The following FOXN3 variants were observed in gnomAD, a reference collection of about 807,000 sequenced individuals.
FOXN3 encodes forkhead box N3.
Under a neutral mutation model 38.4 loss-of-function variants are expected in FOXN3, and 7 were observed. The ratio of observed to expected loss-of-function variants is 0.18; its 90% CI spans 0.10 to 0.34. The LOEUF (loss-of-function observed/expected upper bound fraction) is 0.34. Ranked by LOEUF, FOXN3 falls within the 10% of genes least tolerant of loss-of-function variation. The pLI, the probability that FOXN3 is intolerant of heterozygous loss-of-function variation, is 1.00. For synonymous variants in FOXN3, 230 were observed against 242.2 expected, an observed-to-expected ratio of 0.95 and a Z score of 0.47; for missense variants, 456 against 613.4, an observed-to-expected ratio of 0.74 and a Z score of 2.71.
intron 1 of FOXN3, among the ~76,000 whole-genome samples, chr14:89,543,766 A>T (rs1277324316): frequency 6.6e-6 from 1 of 152,204 alleles, no homozygotes; most frequent in Non-Finnish European, 1.5e-5. Flanking sequence ...GAGACAGAAA[A>T]TATCCCAACA....
rs61356814 is a variant in FOXN3, at chr14:89,171,929, C to G, written c.851+8772G>C. Among the ~76,000 whole-genome samples the G allele has an allele frequency of 3.5e-3, 537 of 152,148 alleles. 5 individuals carry two copies. The highest frequency in any genetic ancestry group is 0.013 in the African/African-American group (522 of 41,512). ...CAATAATTAGGGAAAAAAACCCCAC[C>G]AGTATTGACAAAAGATATGATTTGT... On this transcript the variant is annotated intron_variant, in intron 5 of 5. Coordinates refer to ENST00000557258, the MANE Select transcript of FOXN3 (RefSeq NM_005197.4).
chr14:89,613,116 CAAAAAAAAAA>C (rs10581958), intron 1 of FOXN3, among the ~76,000 whole-genome samples: 2 of 74,594 alleles, frequency 2.7e-5, no homozygotes, highest in African/African-American at 1.3e-4. Flanking sequence ...GACTCTGTCT[CAAAAAAAAAA>C]AAAAAAAAAA....
chr14:89,384,839 T>G (rs745376267), intron 2 of FOXN3, among the ~76,000 whole-genome samples: 2 of 152,190 alleles, frequency 1.3e-5, no homozygotes, highest in African/African-American at 2.4e-5. Flanking sequence ...GATAAGGTCA[T>G]GACTAATGGC....
chr14:89,203,686 G>A (rs1888293276), intron 4 of FOXN3, among the ~76,000 whole-genome samples: 1 of 152,150 alleles, frequency 6.6e-6, no homozygotes, highest in Admixed American at 6.5e-5. Context: ...TGCTGGGCTG[G>A]GGCTGGACAA....
chr14:89,313,800 C>T (rs28435815), intron 3 of FOXN3, among the ~76,000 whole-genome samples: 65,550 of 152,006 alleles, frequency 0.43, 14,927 homozygotes, highest in Middle Eastern at 0.52. Context: ...TATTACTCAG[C>T]CTTGAAAGGG....
intron 1 of FOXN3, among the ~76,000 whole-genome samples, chr14:89,505,963 C>T (rs1478829218): frequency 6.6e-6 from 1 of 150,776 alleles, no homozygotes; most frequent in Non-Finnish European, 1.5e-5. Flanking sequence ...GCCTGGCAAC[C>T]GCCCCGTCTG....
At chr14:89,605,604 CA>C (rs1896256578) in intron 1 of FOXN3, among the ~76,000 whole-genome samples, 1 of 151,902 alleles carries the variant, frequency 6.6e-6, no homozygotes, top group Admixed American at 6.6e-5. Flanking sequence ...TCAGACTGCA[CA>C]AAAACAATAT....
intron 1 of FOXN3, among the ~76,000 whole-genome samples, chr14:89,510,239 C>T (rs1894029533): frequency 6.6e-6 from 1 of 152,166 alleles, no homozygotes. Flanking sequence ...GGGACTGGAA[C>T]CCACGCATGC....
At chr14:89,513,828 G>A (rs1894145580) in intron 1 of FOXN3, among the ~76,000 whole-genome samples, 1 of 151,860 alleles carries the variant, frequency 6.6e-6, no homozygotes, top group African/African-American at 2.4e-5. Flanking sequence ...AACTCCCGGA[G>A]TTTGTTTTTA....
intron 1 of FOXN3, among the ~76,000 whole-genome samples, chr14:89,602,711 T>C (rs1439387386): frequency 6.6e-6 from 1 of 152,096 alleles, no homozygotes; most frequent in Non-Finnish European, 1.5e-5. Flanking sequence ...TTGGCCAGGC[T>C]GGTCTTGAAC....
rs565967444 is a variant in FOXN3 at position 89,516,826 on chromosome 14, G to A, written c.-15+102202C>T. The stretch of plus-strand genomic sequence containing the variant: ...GATCTGTCCACCTTGGCCTTCCAAA[G>A]TGTTGGGATGACAGGTGTGAGCCAT... On this transcript the variant is annotated intron_variant, in intron 1 of 6. Transcript: ENST00000345097. 9.4e-4 allele frequency among the ~76,000 whole-genome samples: 143 copies of A among 152,270 alleles called. 1 individual carries two copies. Among genetic ancestry groups the A allele is most frequent in the African/African-American group, 3.3e-3 (137 of 41,542 alleles).
intron 1 of FOXN3, among the ~76,000 whole-genome samples, chr14:89,579,492 A>T (rs2139908012): frequency 6.6e-6 from 1 of 152,252 alleles, no homozygotes. Context: ...CAATTCAGTG[A>T]CTTCTTCACA....
intron 1 of FOXN3, among the ~76,000 whole-genome samples, chr14:89,580,456 C>T (rs760753279): frequency 2.0e-5 from 3 of 152,180 alleles, no homozygotes; most frequent in Non-Finnish European, 2.9e-5. Context: ...TTAAGGACCA[C>T]ATAACAGTGC....
At chr14:89,436,308 T>TA (rs1220391230) in intron 1 of FOXN3, among the ~76,000 whole-genome samples, 1 of 107,754 alleles carries the variant, frequency 9.3e-6, no homozygotes, top group Non-Finnish European at 2.1e-5. Context: ...AAAAAAAAGT[T>TA]AATTTATAAA....
At chr14:89,516,882 G>C (rs1356888237) in intron 1 of FOXN3, among the ~76,000 whole-genome samples, 3 of 152,110 alleles carry the variant, frequency 2.0e-5, no homozygotes, top group Admixed American at 2.0e-4. Flanking sequence ...TTTAAAAGCG[G>C]ACATTCCATG....
intron 1 of FOXN3, among the ~76,000 whole-genome samples, chr14:89,427,767 G>A (rs1349933660): frequency 6.6e-6 from 1 of 152,000 alleles, no homozygotes; most frequent in African/African-American, 2.4e-5. Flanking sequence ...AGTGCCTTGA[G>A]GGGCAAGGGA....
In FOXN3 at chr14:89,212,143, A is replaced by C. The variant is rs1884113596; in HGVS notation, c.746-31337T>G. 2.6e-5 allele frequency among the ~76,000 whole-genome samples: 4 copies of C among 152,360 alleles called. No homozygotes were observed. The South Asian group carries it at 8.3e-4, about 32-fold the overall frequency. ...TGATCCTGGACTTCCAGCCTCCAGA[A>C]CTGTGAGACAATACATTTCTGTTGT... On this transcript the variant is annotated intron_variant, in intron 4 of 5. Transcript: ENST00000557258.
At chr14:89,463,746 G>A (rs758998626) in intron 1 of FOXN3, among the ~76,000 whole-genome samples, 8 of 151,870 alleles carry the variant, frequency 5.3e-5, no homozygotes, top group Non-Finnish European at 1.0e-4. Context: ...TGTGGAGACT[G>A]GGGAATCAGA....
intron 3 of FOXN3, among the ~76,000 whole-genome samples, chr14:89,299,011 T>C (rs1324043025): frequency 6.8e-6 from 1 of 147,312 alleles, no homozygotes; most frequent in African/African-American, 2.4e-5. Context: ...CAATGCCAAC[T>C]GTCCTGCCAG....
Sources: allele counts gnomAD v4.1 joint callset (sites outside exome capture counted in the v4.1 genomes callset), GRCh38; gene constraint gnomAD v4.1.1; transcripts MANE v1.5; gene names NCBI Gene and HGNC (gene_info 2026-07-23, HGNC 2026-07-21).